Variants in SPOP observed in about 807,000 individuals in gnomAD.
The protein encoded by SPOP is speckle type BTB/POZ protein, also known as speckle-type POZ protein.
SPOP carries 11 observed loss-of-function variants against 45.6 expected under a neutral mutation model. That is an observed-to-expected ratio of 0.24 (90% CI 0.15 to 0.40). SPOP has a LOEUF of 0.40. Among genes scored for constraint, SPOP ranks in the 10% least tolerant of loss-of-function variants. The probability of loss-of-function intolerance (pLI) is 1.00; values close to 1 mark genes in which losing one functional copy is unlikely to be tolerated. For synonymous variants in SPOP, 166 were observed against 166.3 expected, an observed-to-expected ratio of 1.00 and a Z score of 0.01; for missense variants, 152 against 465.6, an observed-to-expected ratio of 0.33 and a Z score of 6.20.
intron 5 of SPOP, 57 bp downstream of exon 5, chr17:49,618,924 C>G: frequency 6.4e-7 from 1 of 1,560,494 alleles, no homozygotes; most frequent in Non-Finnish European, 8.6e-7. Flanking sequence ...ATAATTAAGT[C>G]TACCAATACT....
chr17:49,641,739 T>G (rs2072655109), intron 1 of SPOP, among the ~76,000 whole-genome samples: 1 of 152,096 alleles, frequency 6.6e-6, no homozygotes, highest in African/African-American at 2.4e-5. Context: ...TGTGTAATAG[T>G]GGCCAGGCAC....
chr17:49,652,014 CA>C (rs1002382455), intron 1 of SPOP, among the ~76,000 whole-genome samples: 165 of 136,624 alleles, frequency 1.2e-3, no homozygotes, highest in Admixed American at 2.1e-3. Flanking sequence ...GTGACATTCT[CA>C]AAAAAAAAAA....
chr17:49,633,537 AT>A (rs2072489815), intron 1 of SPOP, among the ~76,000 whole-genome samples: 1 of 152,210 alleles, frequency 6.6e-6, no homozygotes, highest in Non-Finnish European at 1.5e-5. Flanking sequence ...AGCAAAAAAA[AT>A]CAAAAAAGCA....
At chr17:49,656,020 C>A (rs958059290) in intron 1 of SPOP, among the ~76,000 whole-genome samples, 1 of 152,100 alleles carries the variant, frequency 6.6e-6, no homozygotes, top group African/African-American at 2.4e-5. Context: ...CCATGTTGGT[C>A]AGGCTGGTCT....
chr17:49,648,550 C>A (rs1297568418), intron 1 of SPOP, among the ~76,000 whole-genome samples: 1 of 152,164 alleles, frequency 6.6e-6, no homozygotes, highest in Non-Finnish European at 1.5e-5. Context: ...TACTCCTACA[C>A]CTGCTATGAA....
At chr17:49,664,116 C>T (rs1187617577) in intron 1 of SPOP, among the ~76,000 whole-genome samples, 2 of 152,186 alleles carry the variant, frequency 1.3e-5, no homozygotes, top group Admixed American at 1.3e-4. Context: ...GTAACAGTAA[C>T]ATCAATATGA....
At position 49,619,506 on chromosome 17, in the gene SPOP, T is replaced by A; in HGVS notation, c.201-121A>T. On this transcript the variant is annotated intron_variant, in intron 3 of 9. Coordinates refer to ENST00000504102, the MANE Select transcript of SPOP (RefSeq NM_001007228.2). The surrounding 1 kb of genome is among the most constrained non-coding windows in gnomAD (Gnocchi z 4.9). ...TGCAGGCCCCATAGAAGAATATAAT[T>A]CAGTAGAATGACTAGTTGGGAACAA... is the stretch of plus-strand genomic sequence containing the variant. 9.8e-5 allele frequency: 93 copies of A among 948,374 alleles called. No homozygotes were observed. The highest frequency in any genetic ancestry group is 1.3e-4 in the Non-Finnish European group (87 of 650,732). 58.7% of individuals were successfully genotyped at this position (948,374 alleles called of 1,614,324 possible).
At chr17:49,611,164 C>A in intron 6 of SPOP, 116 bp downstream of exon 6, 2 of 1,081,164 alleles carry the variant, frequency 1.8e-6, no homozygotes. Flanking sequence ...TATTTAGCTG[C>A]AGTTTGTTTT....
intron 1 of SPOP, among the ~76,000 whole-genome samples, chr17:49,668,739 A>C (rs992332200): frequency 3.3e-5 from 5 of 150,264 alleles, no homozygotes; most frequent in Non-Finnish European, 7.4e-5. Flanking sequence ...ATATTGACAT[A>C]TATATAGACA....
chr17:49,648,107 A>G (rs753666233), intron 1 of SPOP, among the ~76,000 whole-genome samples: 2 of 152,112 alleles, frequency 1.3e-5, no homozygotes, highest in Non-Finnish European at 2.9e-5. Context: ...CTGCTTCTCA[A>G]TGTATTCCAT....
chr17:49,631,179 A>G (rs1349296147), intron 1 of SPOP, among the ~76,000 whole-genome samples: 1 of 152,234 alleles, frequency 6.6e-6, no homozygotes, highest in Non-Finnish European at 1.5e-5. Flanking sequence ...AAGGTTTTTC[A>G]CTGTGGGGAC....
intron 8 of SPOP, among the ~76,000 whole-genome samples, chr17:49,605,967 G>C (rs548981770): frequency 2.0e-5 from 3 of 148,916 alleles, no homozygotes; most frequent in Admixed American, 1.3e-4. Context: ...CAGCCTGGGT[G>C]ACAAAAGCAA....
Position 49,599,395 on chromosome 17 carries a change from C to T in SPOP, c.*983G>A, listed in dbSNP as rs866964250. ...GGAACAGAACTGGCTCCTATGCAGGCGGCAAGTCAGGTACAAACAGCTGAG... is the reference window on the plus strand; with the variant it reads ...GGAACAGAACTGGCTCCTATGCAGGTGGCAAGTCAGGTACAAACAGCTGAG... On this transcript the variant is annotated 3_prime_UTR_variant, in exon 10 of 10. Transcript: ENST00000504102. 6 of 225,308 alleles carry T rather than the reference C, an allele frequency of 2.7e-5. No homozygotes were observed. In the Middle Eastern group the frequency reaches 4.1e-3, roughly 155 times the overall value. The allele number at this position is 225,308 out of a possible 1,614,324, so 14.0% of individuals were successfully genotyped here. A position where few individuals can be genotyped will look rare whatever the true frequency, so the allele number is the denominator to read the frequency against.
chr17:49,627,372 A>AT (rs778237958), intron 1 of SPOP, among the ~76,000 whole-genome samples: 5 of 152,214 alleles, frequency 3.3e-5, no homozygotes, highest in Non-Finnish European at 7.3e-5. Context: ...GAACTGTTTT[A>AT]TTTTTCCATT....
At chr17:49,673,409 G>C (rs1326529794) in intron 1 of SPOP, among the ~76,000 whole-genome samples, 1 of 152,004 alleles carries the variant, frequency 6.6e-6, no homozygotes, top group Non-Finnish European at 1.5e-5. Flanking sequence ...GGGAGGCTGA[G>C]GCAGGAGAAT....
intron 1 of SPOP, among the ~76,000 whole-genome samples, chr17:49,647,258 C>T (rs942641056): frequency 1.4e-5 from 2 of 142,474 alleles, no homozygotes; most frequent in African/African-American, 5.3e-5. Flanking sequence ...TGCAGACAGC[C>T]GAGATCACGC....
At chr17:49,647,312 TTAAAAAA>T (rs2072775256) in intron 1 of SPOP, among the ~76,000 whole-genome samples, 1 of 81,920 alleles carries the variant, frequency 1.2e-5, no homozygotes, top group African/African-American at 5.8e-5. Flanking sequence ...AGATGCCGTC[TTAAAAAA>T]AAAAAAAAAA....
intron 1 of SPOP, among the ~76,000 whole-genome samples, chr17:49,629,776 A>G (rs1222794359): frequency 1.3e-5 from 2 of 152,186 alleles, no homozygotes; most frequent in Non-Finnish European, 2.9e-5. Flanking sequence ...AGTCTAATCT[A>G]CTTATCCAGA....
Position 49,599,719 on chromosome 17 carries a change from A to G in SPOP, c.*659T>C, listed in dbSNP as rs903762965. 38 of 205,764 alleles carry G rather than the reference A, an allele frequency of 1.8e-4. 1 individual carries two copies. Among genetic ancestry groups the G allele is most frequent in the African/African-American group, 8.0e-4 (35 of 43,942 alleles). 12.7% of individuals were successfully genotyped at this position (205,764 alleles called of 1,614,324 possible). On this transcript the variant is annotated 3_prime_UTR_variant, in exon 10 of 10. Transcript: ENST00000504102. ...CCACATCAGAACACTCATCTTCCAG[A>G]TCAAATAACCTTCCCCTTTTGCCTT...
Sources: allele counts gnomAD v4.1 joint callset (sites outside exome capture counted in the v4.1 genomes callset), GRCh38; gene constraint gnomAD v4.1.1; non-coding constraint Gnocchi (gnomAD v3.1); transcripts MANE v1.5; gene names NCBI Gene and HGNC (gene_info 2026-07-23, HGNC 2026-07-21).